The following LOC400499 variants were observed in gnomAD, a reference collection of about 807,000 sequenced individuals.
At chr16:11,389,248 C>T in the LOC400499 span, among the ~76,000 whole-genome samples, 4 of 152,242 alleles carry the variant, frequency 2.6e-5, no homozygotes, top group African/African-American at 7.2e-5. Context: ...TCCACCCCCC[C>T]ATCTCACCGA....
chr16:11,519,900 T>G, the LOC400499 span, among the ~76,000 whole-genome samples: 1 of 151,962 alleles, frequency 6.6e-6, no homozygotes, highest in East Asian at 1.9e-4. Flanking sequence ...ACAGGGTTTT[T>G]CCATGTTGGT....
chr16:11,388,734 C>T, the LOC400499 span, among the ~76,000 whole-genome samples: 31 of 152,196 alleles, frequency 2.0e-4, no homozygotes, highest in Non-Finnish European at 4.3e-4. Flanking sequence ...CCTCCCCAGT[C>T]TTAGGAACTC....
chr16:11,500,511 A>AAATAAT, the LOC400499 span, among the ~76,000 whole-genome samples: 44,743 of 143,720 alleles, frequency 0.31, 7,555 homozygotes, highest in Admixed American at 0.44. Flanking sequence ...ACTCCGTCCT[A>AAATAAT]AATAATAATA....
chr16:11,474,429 A>G, the LOC400499 span, among the ~76,000 whole-genome samples: 1 of 152,186 alleles, frequency 6.6e-6, no homozygotes, highest in Admixed American at 6.5e-5. Flanking sequence ...ACTCTGGAAT[A>G]TTTGAGTTGC....
At chr16:11,457,218 G>C in the LOC400499 span, 8 of 595,762 alleles carry the variant, frequency 1.3e-5, no homozygotes, top group Non-Finnish European at 2.3e-5. Flanking sequence ...AGGATGTGGA[G>C]AAATCTGAAT....
the LOC400499 span, chr16:11,383,741 A>G: frequency 1.6e-6 from 2 of 1,232,464 alleles, no homozygotes; most frequent in East Asian, 3.2e-5. Context: ...TGGGTGCCAC[A>G]GGGGACCTGC....
the LOC400499 span, among the ~76,000 whole-genome samples, chr16:11,502,489 G>C: frequency 3.3e-5 from 5 of 152,190 alleles, no homozygotes; most frequent in African/African-American, 1.2e-4. Flanking sequence ...CATAGTGTCT[G>C]AATCTGTGGC....
At chr16:11,451,749 ACCCAC>A in the LOC400499 span, among the ~76,000 whole-genome samples, 1 of 152,176 alleles carries the variant, frequency 6.6e-6, no homozygotes, top group Non-Finnish European at 1.5e-5. Context: ...GGGGCAGGCA[ACCCAC>A]CCCTGCTGGA....
chr16:11,493,626 C>A, the LOC400499 span: 265,611 of 395,332 alleles, frequency 0.67, 96,824 homozygotes, highest in Non-Finnish European at 0.78. Flanking sequence ...CCCCATGAAA[C>A]AGCACACAAG....
chr16:11,381,348 G>A, the LOC400499 span, among the ~76,000 whole-genome samples: 14 of 151,958 alleles, frequency 9.2e-5, no homozygotes, highest in South Asian at 4.1e-4. Flanking sequence ...AAGCAATCTC[G>A]CCTCAGCCTC....
At chr16:11,497,917 C>T in the LOC400499 span, among the ~76,000 whole-genome samples, 1 of 152,156 alleles carries the variant, frequency 6.6e-6, no homozygotes, top group Admixed American at 6.5e-5. Flanking sequence ...AGTTAGAAGT[C>T]TGTTTAAAAT....
chr16:11,527,170 C>T, the LOC400499 span, among the ~76,000 whole-genome samples: 3 of 152,190 alleles, frequency 2.0e-5, no homozygotes, highest in Non-Finnish European at 2.9e-5. Context: ...CCACGGGGGC[C>T]GGCATCACTT....
chr16:11,398,072 G>A, the LOC400499 span, among the ~76,000 whole-genome samples: 3 of 152,098 alleles, frequency 2.0e-5, no homozygotes, highest in African/African-American at 7.2e-5. Context: ...TCATGTGCCC[G>A]GCACCAAGGC....
the LOC400499 span, chr16:11,515,803 A>AAAGG: frequency 5.0e-6 from 2 of 396,914 alleles, no homozygotes; most frequent in South Asian, 1.2e-4. Context: ...AGGAGGAGGA[A>AAAGG]GAGGAAGAAG....
the LOC400499 span, among the ~76,000 whole-genome samples, chr16:11,507,045 A>G: frequency 1.3e-5 from 2 of 152,208 alleles, no homozygotes; most frequent in Non-Finnish European, 2.9e-5. Context: ...CTCTGGGGCT[A>G]GCACCGCCAG....
the LOC400499 span, among the ~76,000 whole-genome samples, chr16:11,515,551 T>C: frequency 4.7e-5 from 7 of 149,402 alleles, no homozygotes; most frequent in Admixed American, 4.7e-4. Flanking sequence ...TAAAATAAAA[T>C]TTCTTGAAGG....
At chr16:11,426,962 G>C in the LOC400499 span, among the ~76,000 whole-genome samples, 1 of 147,236 alleles carries the variant, frequency 6.8e-6, no homozygotes, top group Non-Finnish European at 1.5e-5. Context: ...AATATATAAA[G>C]AGTATCTACA....
the LOC400499 span, among the ~76,000 whole-genome samples, chr16:11,379,940 C>A: frequency 2.4e-4 from 36 of 152,126 alleles, no homozygotes; most frequent in Non-Finnish European, 4.0e-4. Context: ...TGTCCCCCTC[C>A]TATGTTGTTG....
At chr16:11,456,602 T>A in the LOC400499 span, among the ~76,000 whole-genome samples, 1 of 152,244 alleles carries the variant, frequency 6.6e-6, no homozygotes, top group East Asian at 1.9e-4. Context: ...GTTTGTTTGT[T>A]TTTAAAATTA....
Sources: allele counts gnomAD v4.1 joint callset (sites outside exome capture counted in the v4.1 genomes callset), GRCh38; gene constraint gnomAD v4.1.1; transcripts MANE v1.5.